The following ENDOV variants were observed in gnomAD, a reference collection of about 807,000 sequenced individuals.
ENDOV encodes endonuclease V, also known as hEndoV.
A neutral mutation model predicts 39.4 loss-of-function variants in ENDOV; 37 were observed. The ratio of observed to expected loss-of-function variants is 0.94; its 90% CI spans 0.72 to 1.23. The LOEUF is 1.23. Among genes scored for constraint, ENDOV ranks in the 50% most tolerant of loss-of-function variants. The probability of loss-of-function intolerance (pLI) is 0.00; values close to 1 mark genes in which losing one functional copy is unlikely to be tolerated. For missense variants in ENDOV, 441 were observed against 375.7 expected, an observed-to-expected ratio of 1.17 and a Z score of -1.44; for synonymous variants, 186 against 163.4, an observed-to-expected ratio of 1.14 and a Z score of -1.05.
chr17:80,418,210 T>G (rs752685503), intron 2 of ENDOV: 1 of 152,186 alleles, frequency 6.6e-6, no homozygotes, highest in Non-Finnish European at 1.5e-5. Flanking sequence ...TTTTTCTGAC[T>G]TGAGGATGAT....
chr17:80,426,752 G>A (rs1266559995), intron 7 of ENDOV, among the ~76,000 whole-genome samples: 1 of 152,274 alleles, frequency 6.6e-6, no homozygotes, highest in African/African-American at 2.4e-5. Context: ...CTTGGGGTGC[G>A]CCAGGGTTTC....
At position 80,419,491 on chromosome 17, in the gene ENDOV, G is replaced by T. The variant is rs558751809; in HGVS notation, c.229-2337G>T. 333 of 675,972 alleles carry T rather than the reference G, an allele frequency of 4.9e-4. 2 individuals are homozygous for T. The African/African-American group carries it at 5.0e-3, about 10-fold the overall frequency. The allele number at this position is 675,972 out of a possible 1,614,324, so 41.9% of individuals were successfully genotyped here. A position where few individuals can be genotyped will look rare whatever the true frequency, so the allele number is the denominator to read the frequency against. On this transcript the variant is annotated intron_variant, in intron 2 of 9. Coordinates refer to ENST00000518137, the MANE Select transcript of ENDOV (RefSeq NM_173627.5). The stretch of plus-strand genomic sequence containing the variant: ...TGGTGTGTGCTGCTCCACAGGCCTG[G>T]TGGAGCCTGTTGTGTGCTGGACGCT...
At chr17:80,415,426 G>A (rs1248093492) in intron 1 of ENDOV, 176 bp downstream of exon 1, 2 of 996,474 alleles carry the variant, frequency 2.0e-6, no homozygotes, top group Non-Finnish European at 2.9e-6. Context: ...GTAGTCCGCG[G>A]GGTGGGCGCG....
chr17:80,419,773 G>A, intron 2 of ENDOV: 1 of 673,988 alleles, frequency 1.5e-6, no homozygotes, highest in Non-Finnish European at 2.7e-6. Flanking sequence ...CTTTCCGTCT[G>A]CACTCAGAAT....
chr17:80,422,237 A>G lies in ENDOV; in HGVS notation c.395A>G (p.His132Arg), dbSNP rs547221124. 1 of 1,613,588 alleles carries G rather than the reference A, an allele frequency of 6.2e-7. No individual in the cohort carries two copies. Among genetic ancestry groups the G allele is most frequent in the Admixed American group, 1.7e-5 (1 of 60,008 alleles). ...VLLVDGNGVL[H>R]HRGFGVACHL... ...CTTGTGGATGGAAACGGGGTACTCC[A>G]CCACCGAGGTAATCCTGCTCTTGGA... The change falls in exon 4 of 10, where the codon CAC (histidine) becomes CGC (arginine). Residue 132 changes from histidine to arginine, a missense_variant. By Grantham distance (29) the His-to-Arg change is conservative. Transcript: ENST00000518137.
At chr17:80,427,852 T>C (rs1599431503) in intron 7 of ENDOV, 1 of 1,275,270 alleles carries the variant, frequency 7.8e-7, no homozygotes, top group African/African-American at 1.5e-5. Context: ...CAGGGGAAGG[T>C]GAGAGGTGCT....
chr17:80,415,218 G>A lies in ENDOV; in HGVS notation c.24G>A (p.Gly8=). The change falls in exon 1 of 10, where the codon GGG becomes GGA. Residue 8 remains glycine, a synonymous_variant. Transcript: ENST00000518137. Reference sequence around the variant, plus strand: ...CCATGGCCCTGGAGGCGGCGGGAGGGCCGCCGGAGGAAACGCTGTCACTGT... The same window carrying A: ...CCATGGCCCTGGAGGCGGCGGGAGGACCGCCGGAGGAAACGCTGTCACTGT... MALEAAG[G]PPEETLSLWK... is the part of the protein sequence containing the mutation. The A allele has an allele frequency of 1.2e-6, 2 of 1,613,372 alleles. No individual in the cohort carries two copies. Among genetic ancestry groups the A allele is most frequent in the South Asian group, 1.1e-5 (1 of 91,060 alleles).
rs537743603 is a variant in ENDOV, at chr17:80,415,477, G to C, written c.57-173G>C. On this transcript the variant is annotated intron_variant, in intron 1 of 9. Coordinates refer to ENST00000518137, the MANE Select transcript of ENDOV (RefSeq NM_173627.5). ...CAGTTTGTCTGGCCTGCGCTTGCGC[G>C]GGTCTCCGCCGCCTGGGCTCCTAGG... 1.3e-5 allele frequency: 13 copies of C among 1,034,684 alleles called. No individual in the cohort carries two copies. The Admixed American group carries it at 3.2e-4, about 25-fold the overall frequency. 64.1% of individuals were successfully genotyped at this position (1,034,684 alleles called of 1,614,324 possible). A position where few individuals can be genotyped will look rare whatever the true frequency, so the allele number is the denominator to read the frequency against.
At chr17:80,422,296 G>A (rs1266024184) in intron 4 of ENDOV, 51 bp downstream of exon 4, 71 of 1,598,580 alleles carry the variant, frequency 4.4e-5, no homozygotes, top group Non-Finnish European at 5.0e-5. Flanking sequence ...AAGAGCGGGG[G>A]GAGAGGGCAC....
rs150858748 is a variant in ENDOV at position 80,432,521 on chromosome 17, G to A, written c.838+2690G>A. 7.2e-5 allele frequency among the ~76,000 whole-genome samples: 11 copies of A among 152,194 alleles called. No homozygotes were observed. The East Asian group carries it at 1.6e-3, about 21-fold the overall frequency. Reference sequence around the variant, plus strand: ...GCAGTAACACCAACCGAGCACAGCCGTTGTCCTGGGGCATGCCGTCCAGGT... The same window carrying A: ...GCAGTAACACCAACCGAGCACAGCCATTGTCCTGGGGCATGCCGTCCAGGT... On this transcript the variant is annotated intron_variant, in intron 9 of 9. Coordinates refer to ENST00000518137, the MANE Select transcript of ENDOV (RefSeq NM_173627.5).
intron 2 of ENDOV, 113 bp from the exon 3 acceptor site, chr17:80,421,715 T>G: frequency 7.3e-7 from 1 of 1,363,020 alleles, no homozygotes; most frequent in Non-Finnish European, 1.0e-6. Flanking sequence ...AGGGGAGCCA[T>G]GAGGGTGACG....
At chr17:80,431,145 A>C (rs547451813) in intron 9 of ENDOV, among the ~76,000 whole-genome samples, 102 of 152,334 alleles carry the variant, frequency 6.7e-4, no homozygotes, top group African/African-American at 2.4e-3. Flanking sequence ...GCTTGGGACA[A>C]GAATCCAGGG....
chr17:80,427,791 G>A (rs1461906888), intron 7 of ENDOV: 22 of 1,288,950 alleles, frequency 1.7e-5, no homozygotes, highest in African/African-American at 3.0e-5. Context: ...GCGCTGCGGC[G>A]CTCCTGGTTG....
At position 80,427,653 on chromosome 17, in the gene ENDOV, C is replaced by T. The variant is rs895992119; in HGVS notation, c.715-943C>T. On this transcript the variant is annotated intron_variant, in intron 7 of 9. Transcript: ENST00000518137. ...TCGGTCCATTTTCTTCCTGAGCTCA[C>T]TCACCTCTCAACAGGTTCACCTCCT... 1.6e-5 allele frequency: 20 copies of T among 1,218,732 alleles called. No individual in the cohort carries two copies. In the Admixed American group the frequency reaches 4.8e-4, roughly 29 times the overall value. 75.5% of individuals were successfully genotyped at this position (1,218,732 alleles called of 1,614,324 possible). A position where few individuals can be genotyped will look rare whatever the true frequency, so the allele number is the denominator to read the frequency against.
chr17:80,427,670 T>G, intron 7 of ENDOV: 1 of 1,254,778 alleles, frequency 8.0e-7, no homozygotes, highest in African/African-American at 1.5e-5. Context: ...CTCAACAGGT[T>G]CACCTCCTGC....
At position 80,415,230 on chromosome 17, in the gene ENDOV, A is replaced by G; in HGVS notation, c.36A>G (p.Glu12=). Residue 12 remains glutamate (E), a synonymous_variant, in exon 1 of 10, where the codon GAA becomes GAG. Coordinates refer to ENST00000518137, the MANE Select transcript of ENDOV (RefSeq NM_173627.5). ...ALEAAGGPPE[E]TLSLWKREQA... is the part of the protein sequence containing the mutation. ...AGGCGGCGGGAGGGCCGCCGGAGGA[A>G]ACGCTGTCACTGTGGAAACGGTAAT... 1 of 1,613,412 alleles carries G rather than the reference A, an allele frequency of 6.2e-7. No individual in the cohort carries two copies. Among genetic ancestry groups the G allele is most frequent in the African/African-American group, 1.3e-5 (1 of 75,050 alleles).
chr17:80,422,289 A>AG (rs764574549), intron 4 of ENDOV, 44 bp downstream of exon 4: 95 of 1,599,430 alleles, frequency 5.9e-5, no homozygotes, highest in African/African-American at 5.4e-5. Flanking sequence ...TGTGGGGAAG[A>AG]GCGGGGGGAG....
chr17:80,419,256 C>T (rs994874564), intron 2 of ENDOV, among the ~76,000 whole-genome samples: 4 of 151,946 alleles, frequency 2.6e-5, no homozygotes, highest in Admixed American at 6.6e-5. Context: ...TAAGAATCTG[C>T]TTTTTAAAAT....
chr17:80,416,709 TC>T (rs1240309311), intron 2 of ENDOV, among the ~76,000 whole-genome samples: 1 of 33,700 alleles, frequency 3.0e-5, no homozygotes, highest in African/African-American at 1.1e-4. Flanking sequence ...CCTCCCTCCC[TC>T]CCTTCCTTCC....
Sources: allele counts gnomAD v4.1 joint callset (sites outside exome capture counted in the v4.1 genomes callset), GRCh38; gene constraint gnomAD v4.1.1; transcripts MANE v1.5; gene names NCBI Gene and HGNC (gene_info 2026-07-23, HGNC 2026-07-21).